ZNF592: variants seen among roughly 807,000 people sequenced by gnomAD.
The protein encoded by ZNF592 is spinocerebellar ataxia, autosomal recessive 5.
A neutral mutation model predicts 80.3 loss-of-function variants in ZNF592; 11 were observed. That is an observed-to-expected ratio of 0.14 (90% confidence interval 0.09 to 0.23). The LOEUF (loss-of-function observed/expected upper bound fraction) is 0.23. Ranked by LOEUF, ZNF592 falls within the 10% of genes least tolerant of loss-of-function variation. ZNF592 has a pLI of 1.00. For synonymous variants in ZNF592, 646 were observed against 640.3 expected, an observed-to-expected ratio of 1.01 and a Z score of -0.13; for missense variants, 1,420 against 1,633.9, an observed-to-expected ratio of 0.87 and a Z score of 2.26.
At chr15:84,797,394 G>A (rs1032960027) in intron 5 of ZNF592, among the ~76,000 whole-genome samples, 1 of 152,178 alleles carries the variant, frequency 6.6e-6, no homozygotes, top group African/African-American at 2.4e-5. Flanking sequence ...CTGACTGTAT[G>A]TTTTGTTAAG....
intron 2 of ZNF592, among the ~76,000 whole-genome samples, chr15:84,777,202 C>T (rs567392006): frequency 9.3e-5 from 14 of 150,948 alleles, no homozygotes; most frequent in Admixed American, 8.5e-4. Flanking sequence ...AGGGGCTGGG[C>T]GCAGTTGCTC....
Position 84,782,760 on chromosome 15 carries a change from G to C in ZNF592, c.85G>C (p.Ala29Pro), listed in dbSNP as rs145351255. 16 of 1,613,968 alleles carry C rather than the reference G, an allele frequency of 9.9e-6. No individual in the cohort carries two copies. In the African/African-American group the frequency reaches 1.9e-4, roughly 19 times the overall value. Reference protein sequence around the residue: ...PDPTSLDAKEAIQTPSEENES... With the variant: ...PDPTSLDAKEPIQTPSEENES... ...CCCCACCAGCCTTGATGCCAAGGAG[G>C]CCATCCAGACACCCAGTGAGGAGAA... The change falls in exon 4 of 11, where the codon GCC (alanine) becomes CCC (proline). Residue 29 changes from alanine to proline, a missense_variant. Ala to Pro is a conservative substitution (Grantham distance 27, BLOSUM62 -1). This residue lies in a region of ZNF592 where 373 missense variants were observed against 355.5 expected (regional missense o/e 1.05). Transcript: ENST00000560079.
intron 1 of ZNF592, among the ~76,000 whole-genome samples, chr15:84,751,421 T>C (rs1431159941): frequency 6.6e-6 from 1 of 152,250 alleles, no homozygotes; most frequent in African/African-American, 2.4e-5. Flanking sequence ...TTTGCTCCTG[T>C]CACTTGCTAA....
In ZNF592 at chr15:84,783,690, A is replaced by T. The variant is rs1360447421; in HGVS notation, c.1015A>T (p.Thr339Ser). The change falls in exon 4 of 11, where the codon ACT becomes TCT. Residue 339 changes from threonine (T) to serine (S), a missense_variant. By Grantham distance (58) the Thr-to-Ser change is moderately conservative (BLOSUM62 1). Coordinates refer to ENST00000560079, the MANE Select transcript of ZNF592 (RefSeq NM_014630.3). This position sits in a 1 kb window ranked among gnomAD's most constrained non-coding sequence, Gnocchi z 5.0. ...PKSPRSPLEA[T>S]RKSIKPSDSP... ...GAGTCCCCGGAGCCCTCTGGAGGCCACTAGAAAAAGTATCAAGCCATCGGA... is the reference window on the plus strand; with the variant it reads ...GAGTCCCCGGAGCCCTCTGGAGGCCTCTAGAAAAAGTATCAAGCCATCGGA... 3.1e-6 allele frequency: 5 copies of T among 1,614,118 alleles called. No homozygotes were observed. Among genetic ancestry groups the T allele is most frequent in the Non-Finnish European group, 8.5e-7 (1 of 1,180,040 alleles).
Position 84,799,349 on chromosome 15 carries a change from T to G in ZNF592, c.3137+139T>G. 1 of 955,380 alleles carries G rather than the reference T, an allele frequency of 1.0e-6. No individual in the cohort carries two copies. Among genetic ancestry groups the G allele is most frequent in the Non-Finnish European group, 1.7e-6 (1 of 604,372 alleles). 59.2% of individuals were successfully genotyped at this position (955,380 alleles called of 1,614,324 possible). A position where few individuals can be genotyped will look rare whatever the true frequency, so the allele number is the denominator to read the frequency against. ...ATTTCCAACTGGAAGAAATTGCGGC[T>G]AAGTCAGAAATCAGGGGCAGGTCAA... On this transcript the variant is annotated intron_variant, in intron 9 of 10. Coordinates refer to ENST00000560079, the MANE Select transcript of ZNF592 (RefSeq NM_014630.3). The surrounding 1 kb of genome is among the most constrained non-coding windows in gnomAD (Gnocchi z 4.2).
chr15:84,774,762 A>G (rs1412042834), intron 2 of ZNF592, among the ~76,000 whole-genome samples: 5 of 151,906 alleles, frequency 3.3e-5, no homozygotes, highest in Admixed American at 3.3e-4. Context: ...ATTATATATA[A>G]TCATACTGGT....
chr15:84,801,798 G>T, intron 10 of ZNF592, 65 bp from the exon 11 acceptor site: 2 of 1,613,356 alleles, frequency 1.2e-6, no homozygotes, highest in South Asian at 2.2e-5. Flanking sequence ...TGGGCTCATG[G>T]TTATGTCTAG....
Position 84,784,922 on chromosome 15 carries a change from A to G in ZNF592, c.2220+27A>G, listed in dbSNP as rs760906175. On this transcript the variant is annotated intron_variant, in intron 4 of 10. Coordinates refer to ENST00000560079, the MANE Select transcript of ZNF592 (RefSeq NM_014630.3). This position sits in a 1 kb window ranked among gnomAD's most constrained non-coding sequence, Gnocchi z 5.8. The stretch of plus-strand genomic sequence containing the variant: ...TAAGCAGACCCTCACTGTTACGGGT[A>G]TCGGGCCCCTGGCTCACACAGGTTC... 9.9e-6 allele frequency: 16 copies of G among 1,613,742 alleles called. No homozygotes were observed. In the Middle Eastern group the frequency reaches 8.3e-4, roughly 83 times the overall value.
intron 1 of ZNF592, among the ~76,000 whole-genome samples, chr15:84,755,686 C>G (rs529579872): frequency 6.6e-6 from 1 of 152,286 alleles, no homozygotes; most frequent in African/African-American, 2.4e-5. Context: ...TTTACAAAAA[C>G]AAACAAGCAT....
At chr15:84,752,224 A>C (rs1437929683) in intron 1 of ZNF592, among the ~76,000 whole-genome samples, 1 of 152,104 alleles carries the variant, frequency 6.6e-6, no homozygotes, top group Non-Finnish European at 1.5e-5. Flanking sequence ...GTTCCATGTG[A>C]TCAGTCATTC....
chr15:84,765,872 G>T (rs1487584230), intron 2 of ZNF592, among the ~76,000 whole-genome samples: 1 of 152,000 alleles, frequency 6.6e-6, no homozygotes. Context: ...CCTGATGAGT[G>T]TGTGATTGGA....
rs2141980911 is a variant in ZNF592, at chr15:84,778,224, A to G, written c.-108A>G. On this transcript the variant is annotated 5_prime_UTR_variant, in exon 3 of 11. Transcript: ENST00000560079. ...AGGCAAGAAGGAAGGGAGAAGACAG[A>G]AGGAAGACGCTCCCCCGTACGGAGA... 1 of 201,638 alleles carries G rather than the reference A, an allele frequency of 5.0e-6. No homozygotes were observed. Among genetic ancestry groups the G allele is most frequent in the Non-Finnish European group, 1.0e-5 (1 of 99,788 alleles). 12.5% of individuals were successfully genotyped at this position (201,638 alleles called of 1,614,324 possible). A position where few individuals can be genotyped will look rare whatever the true frequency, so the allele number is the denominator to read the frequency against.
rs1434474456 is a variant in ZNF592 at position 84,778,642 on chromosome 15, G to C, written c.-20+330G>C. Among the ~76,000 whole-genome samples the C allele has an allele frequency of 2.0e-5, 3 of 152,166 alleles. No homozygotes were observed. In the East Asian group the frequency reaches 5.8e-4, roughly 29 times the overall value. On this transcript the variant is annotated intron_variant, in intron 3 of 10. Transcript: ENST00000560079. ...CTTTACAAGAAACTTTTCCTGAGAT[G>C]CTTTAAGGCTTCCCAATGACCCCTT... is the stretch of plus-strand genomic sequence containing the variant.
chr15:84,784,460 A>G lies in ZNF592; in HGVS notation c.1785A>G (p.Ala595=). 1 of 1,614,138 alleles carries G rather than the reference A, an allele frequency of 6.2e-7. No homozygotes were observed. Among genetic ancestry groups the G allele is most frequent in the East Asian group, 2.2e-5 (1 of 44,876 alleles). The change falls in exon 4 of 11, where the codon GCA becomes GCG. Residue 595 remains alanine, a synonymous_variant. Coordinates refer to ENST00000560079, the MANE Select transcript of ZNF592 (RefSeq NM_014630.3). The surrounding 1 kb of genome is among the most constrained non-coding windows in gnomAD (Gnocchi z 5.8). ...ACTGCTGCCTGGAGTGTGGAGACGCATTTGCCTTAGAGAAGAGCCTGAGCC... is the reference window on the plus strand; with the variant it reads ...ACTGCTGCCTGGAGTGTGGAGACGCGTTTGCCTTAGAGAAGAGCCTGAGCC... ...SGYCCLECGD[A]FALEKSLSQH...
intron 1 of ZNF592, among the ~76,000 whole-genome samples, chr15:84,751,069 C>CTGTT (rs1255353370): frequency 6.6e-6 from 1 of 152,192 alleles, no homozygotes; most frequent in East Asian, 1.9e-4. Flanking sequence ...ACTACCTGAT[C>CTGTT]TGTTTGGAAA....
At position 84,783,204 on chromosome 15, in the gene ZNF592, G is replaced by C. The variant is rs779538724; in HGVS notation, c.529G>C (p.Ala177Pro). The C allele has an allele frequency of 6.2e-7, 1 of 1,614,212 alleles. No individual in the cohort carries two copies. Among genetic ancestry groups the C allele is most frequent in the Non-Finnish European group, 8.5e-7 (1 of 1,180,042 alleles). The change falls in exon 4 of 11, where the codon GCT becomes CCT. Residue 177 changes from alanine to proline, a missense_variant. This residue lies in a region of ZNF592 where 373 missense variants were observed against 355.5 expected (regional missense o/e 1.05). Coordinates refer to ENST00000560079, the MANE Select transcript of ZNF592 (RefSeq NM_014630.3). This position sits in a 1 kb window ranked among gnomAD's most constrained non-coding sequence, Gnocchi z 5.0. Reference protein sequence around the residue: ...SYFPPPLGCGAVGGPVLEALA... With the variant: ...SYFPPPLGCGPVGGPVLEALA... ...TTTCCCACCCCCTCTTGGGTGCGGG[G>C]CTGTGGGAGGCCCAGTCCTGGAGGC...
chr15:84,798,391 A>C lies in ZNF592; in HGVS notation c.2653A>C (p.Ser885Arg), dbSNP rs142149124. The change falls in exon 7 of 11, where the codon AGC becomes CGC. Residue 885 changes from serine (S) to arginine (R), a missense_variant. Ser to Arg is a moderately radical substitution (Grantham distance 110). This residue lies in a region of ZNF592 where 331 missense variants were observed against 347.0 expected (regional missense o/e 0.95). Transcript: ENST00000560079. The surrounding 1 kb of genome is among the most constrained non-coding windows in gnomAD (Gnocchi z 4.5). ...HIQQHFYQNV[S>R]KTQVGVFKCP... ...TCAGCAGCATTTTTACCAGAATGTC[A>C]GCAAGACGCAGGTGGGCGTCTTCAA... 16 of 1,614,102 alleles carry C rather than the reference A, an allele frequency of 9.9e-6. No individual in the cohort carries two copies. The highest frequency in any genetic ancestry group is 1.3e-5 in the African/African-American group (1 of 74,932).
At position 84,799,022 on chromosome 15, in the gene ZNF592, G is replaced by A; in HGVS notation, c.3025-76G>A. 3.8e-6 allele frequency: 6 copies of A among 1,596,386 alleles called. No homozygotes were observed. Among genetic ancestry groups the A allele is most frequent in the Non-Finnish European group, 5.2e-6 (6 of 1,164,166 alleles). On this transcript the variant is annotated intron_variant, in intron 8 of 10. Coordinates refer to ENST00000560079, the MANE Select transcript of ZNF592 (RefSeq NM_014630.3). This position sits in a 1 kb window ranked among gnomAD's most constrained non-coding sequence, Gnocchi z 4.2. ...CGGGAGTATCCTCCTTTCTGCCCAT[G>A]GCATCTGAGAAGAAAAATGCACCCA...
At chr15:84,761,379 A>G (rs1333573078) in intron 1 of ZNF592, among the ~76,000 whole-genome samples, 2 of 152,006 alleles carry the variant, frequency 1.3e-5, no homozygotes, top group African/African-American at 4.8e-5. Context: ...GGGCAAGGAA[A>G]GAGCAAGGAC....
Sources: gnomAD v4.1 joint callset for allele counts (sites outside exome capture counted in the v4.1 genomes callset) on GRCh38, gnomAD v4.1.1 for gene constraint, gnomAD v4.1.1 regional missense constraint, Gnocchi (gnomAD v3.1) non-coding constraint, MANE v1.5 for transcripts, NCBI Gene and HGNC (gene_info 2026-07-23, HGNC 2026-07-21) for gene names.